Variants in SAMHD1 observed in about 807,000 individuals in gnomAD.
The protein encoded by SAMHD1 is deoxynucleoside triphosphate triphosphohydrolase SAMHD1.
SAMHD1 carries 54 observed loss-of-function variants against 79.6 expected under a neutral mutation model. That is an observed-to-expected ratio of 0.68 (90% confidence interval 0.55 to 0.85). SAMHD1 has a LOEUF of 0.85. SAMHD1 is among the 40% of genes least tolerant of loss of function. The pLI is 0.00. For missense variants in SAMHD1, 663 were observed against 782.7 expected (o/e 0.85, Z 1.82); for synonymous variants, 260 against 264.1 (o/e 0.98, Z 0.15).
chr20:36,950,943 G>A (rs1012949103), intron 1 of SAMHD1, among the ~76,000 whole-genome samples: 9 of 152,270 alleles, frequency 5.9e-5, no homozygotes, highest in Middle Eastern at 3.4e-3. Flanking sequence ...TGCGGTTAGC[G>A]CGGAGGGGTC....
chr20:36,905,285 A>T, intron 12 of SAMHD1, 79 bp downstream of exon 12: 1 of 1,419,296 alleles, frequency 7.0e-7, no homozygotes, highest in Non-Finnish European at 1.0e-6. Flanking sequence ...ACAGAGTCAT[A>T]GTATCACGAT....
chr20:36,946,124 A>G (rs751916485), intron 2 of SAMHD1, among the ~76,000 whole-genome samples: 18 of 152,028 alleles, frequency 1.2e-4, no homozygotes, highest in South Asian at 2.1e-4. Flanking sequence ...CTCTACTAAA[A>G]GTACAAAAAT....
chr20:36,909,958 C>T (rs1017871161), intron 11 of SAMHD1, among the ~76,000 whole-genome samples: 17 of 151,824 alleles, frequency 1.1e-4, no homozygotes, highest in Middle Eastern at 3.4e-3. Context: ...CGGGCGGTGT[C>T]TCACGCCTGT....
rs3762214 is a variant in SAMHD1, at chr20:36,911,455, C to G, written c.1155-122G>C. 111,710 of 693,560 alleles carry G rather than the reference C, an allele frequency of 0.16. 10,484 individuals are homozygous for G. The highest frequency in any genetic ancestry group is 0.31 in the African/African-American group (17,264 of 56,588). The allele number at this position is 693,560 out of a possible 1,614,324, so 43.0% of individuals were successfully genotyped here. ...ATAATGAGGCACAGTGTTCTAAAGA[C>G]AACTGCTTCTCCACCGTACTAAATT... On this transcript the variant is annotated intron_variant, in intron 10 of 15. Transcript: ENST00000646673.
intron 11 of SAMHD1, among the ~76,000 whole-genome samples, chr20:36,909,376 G>T (rs1471915950): frequency 1.3e-5 from 2 of 151,878 alleles, no homozygotes; most frequent in Non-Finnish European, 2.9e-5. Context: ...CCACATTAAA[G>T]AACCAGCTGT....
chr20:36,913,768 T>TC (rs2063459265), intron 9 of SAMHD1, among the ~76,000 whole-genome samples: 1 of 150,734 alleles, frequency 6.6e-6, no homozygotes. Flanking sequence ...TTTTTTTTTT[T>TC]TTTTAGACAG....
chr20:36,912,507 G>A lies in SAMHD1; in HGVS notation c.1108C>T (p.His370Tyr), dbSNP rs150373735. The A allele has an allele frequency of 1.9e-6, 3 of 1,613,418 alleles. No individual in the cohort carries two copies. The highest frequency in any genetic ancestry group is 2.5e-6 in the Non-Finnish European group (3 of 1,179,512). ...ACTTTGTGTTGATAAGCTCTACGGT[G>A]TAAAGAGTTGCGAGTGTGGAACATG... ...YDMFHTRNSL[H>Y]RRAYQHKVGN... The change falls in exon 10 of 16, where the codon CAC becomes TAC. Residue 370 changes from histidine (H) to tyrosine (Y), a missense_variant. Transcript: ENST00000646673.
chr20:36,915,996 A>G (rs1396291453), intron 9 of SAMHD1, among the ~76,000 whole-genome samples: 3 of 152,074 alleles, frequency 2.0e-5, no homozygotes, highest in Non-Finnish European at 4.4e-5. Context: ...TGTCTCTACT[A>G]AAAATACAAA....
At chr20:36,911,891 C>T (rs879731354) in intron 10 of SAMHD1, 10 of 174,460 alleles carry the variant, frequency 5.7e-5, no homozygotes, top group Admixed American at 3.3e-4. Context: ...AGTAACTTGA[C>T]TCACACCCAG....
At chr20:36,945,036 T>C (rs76432181) in intron 2 of SAMHD1, among the ~76,000 whole-genome samples, 4 of 145,896 alleles carry the variant, frequency 2.7e-5, no homozygotes, top group Non-Finnish European at 3.1e-5. Flanking sequence ...TATGTATCTA[T>C]CTACCTACCT....
chr20:36,942,802 A>G (rs1208119433), intron 2 of SAMHD1, among the ~76,000 whole-genome samples: 1 of 151,950 alleles, frequency 6.6e-6, no homozygotes, highest in African/African-American at 2.4e-5. Flanking sequence ...GCCCGCCACC[A>G]TGCCCAGCTA....
rs554566987 is a variant in SAMHD1, at chr20:36,938,131, G to T, written c.348+2908C>A. 4.6e-5 allele frequency among the ~76,000 whole-genome samples: 7 copies of T among 152,202 alleles called. No homozygotes were observed. In the South Asian group the frequency reaches 1.4e-3, roughly 32 times the overall value. ...GATCCACCTACCTCAGTCTCCCAAA[G>T]TGCTGGGATTACGGGTGTGAGCCAC... On this transcript the variant is annotated intron_variant, in intron 3 of 15. Transcript: ENST00000646673.
intron 15 of SAMHD1, chr20:36,894,202 C>T (rs1370151721): frequency 2.7e-6 from 1 of 364,256 alleles, no homozygotes; most frequent in East Asian, 4.1e-5. Context: ...CTGGATCTGA[C>T]TTGATAGAAC....
At chr20:36,946,856 T>A in intron 1 of SAMHD1, 52 bp from the exon 2 acceptor site, 1 of 1,423,996 alleles carries the variant, frequency 7.0e-7, no homozygotes, top group Non-Finnish European at 9.8e-7. Flanking sequence ...CTTTTCATTT[T>A]CTTTCAATTT....
At chr20:36,933,692 T>C (rs968820907) in intron 4 of SAMHD1, among the ~76,000 whole-genome samples, 44 of 151,260 alleles carry the variant, frequency 2.9e-4, no homozygotes, top group African/African-American at 1.1e-3. Context: ...GGTTTCACCA[T>C]GTTGCTCAGG....
intron 11 of SAMHD1, among the ~76,000 whole-genome samples, chr20:36,907,293 T>C (rs1242176887): frequency 1.3e-5 from 2 of 150,402 alleles, no homozygotes; most frequent in East Asian, 4.0e-4. Flanking sequence ...AGGGTCTCGC[T>C]CTGTTGTCAG....
At chr20:36,917,614 G>A (rs147796706) in intron 7 of SAMHD1, among the ~76,000 whole-genome samples, 1 of 152,108 alleles carries the variant, frequency 6.6e-6, no homozygotes. Flanking sequence ...TTGTGCCACT[G>A]CCCTCTAGCC....
At chr20:36,922,377 A>G (rs534012228) in intron 6 of SAMHD1, among the ~76,000 whole-genome samples, 1 of 152,342 alleles carries the variant, frequency 6.6e-6, no homozygotes, top group African/African-American at 2.4e-5. Context: ...TTAGAAATAA[A>G]GTATTTCAAC....
intron 1 of SAMHD1, among the ~76,000 whole-genome samples, chr20:36,947,802 G>C (rs374911494): frequency 1.3e-5 from 2 of 151,826 alleles, no homozygotes; most frequent in African/African-American, 4.8e-5. Flanking sequence ...TGAGTAGCTG[G>C]GACCACAGGC....
Sources: gnomAD v4.1 joint callset for allele counts (sites outside exome capture counted in the v4.1 genomes callset) on GRCh38, gnomAD v4.1.1 for gene constraint, MANE v1.5 for transcripts, NCBI Gene and HGNC (gene_info 2026-07-23, HGNC 2026-07-21) for gene names.